NEK11: variants seen among roughly 807,000 people sequenced by gnomAD.
The protein encoded by NEK11 is serine/threonine-protein kinase Nek11.
NEK11 carries 72 observed loss-of-function variants against 80.7 expected under a neutral mutation model. The observed-to-expected ratio is 0.89, with a 90% CI of 0.74 to 1.08. The LOEUF (loss-of-function observed/expected upper bound fraction) is 1.08. Among genes scored for constraint, NEK11 ranks in the 50% least tolerant of loss-of-function variants. The pLI, the probability that NEK11 is intolerant of heterozygous loss-of-function variation, is 0.00. For missense variants in NEK11, 764 were observed against 763.6 expected (o/e 1.00, Z -0.01); for synonymous variants, 251 against 260.7 (o/e 0.96, Z 0.36).
intron 14 of NEK11, among the ~76,000 whole-genome samples, chr3:131,187,742 A>G (rs1235138952): frequency 1.3e-5 from 2 of 152,204 alleles, no homozygotes; most frequent in Non-Finnish European, 2.9e-5. Context: ...TATTAGGACC[A>G]AACACTGTGA....
chr3:131,044,905 A>T (rs1009537993), intron 3 of NEK11, among the ~76,000 whole-genome samples: 2 of 152,208 alleles, frequency 1.3e-5, no homozygotes, highest in African/African-American at 4.8e-5. Flanking sequence ...AAAAGATCAG[A>T]AATCATAACA....
intron 4 of NEK11, among the ~76,000 whole-genome samples, chr3:131,082,957 A>G (rs1228340273): frequency 6.6e-6 from 1 of 152,202 alleles, no homozygotes; most frequent in East Asian, 1.9e-4. Flanking sequence ...AGTAATCAAA[A>G]TCAGGAAATC....
chr3:131,122,628 C>T (rs1195886640), intron 5 of NEK11, among the ~76,000 whole-genome samples: 1 of 152,194 alleles, frequency 6.6e-6, no homozygotes, highest in African/African-American at 2.4e-5. Context: ...GTGATCCACC[C>T]TGAGAACCTG....
chr3:131,260,791 C>A (rs1191806230), intron 16 of NEK11, among the ~76,000 whole-genome samples: 1 of 152,012 alleles, frequency 6.6e-6, no homozygotes, highest in Non-Finnish European at 1.5e-5. Context: ...CCTAAGTATT[C>A]CTTAGGAAAT....
In NEK11 at chr3:131,155,025, CT is replaced by C; in HGVS notation, c.877-4del. ...GCCTTTAAGATATGTCAGGGTTGAT[CT>C]TTTTTTCAGAACCTAATGTGTAGAT... On this transcript the variant is annotated splice_polypyrimidine_tract_variant and intron_variant, in intron 9 of 17. Coordinates refer to ENST00000383366, the MANE Select transcript of NEK11 (RefSeq NM_024800.5). 3.9e-6 allele frequency: 6 copies of C among 1,557,260 alleles called. No individual in the cohort carries two copies. Among genetic ancestry groups the C allele is most frequent in the Non-Finnish European group, 5.3e-6 (6 of 1,128,664 alleles).
chr3:131,080,928 T>A (rs1201635176), intron 4 of NEK11, among the ~76,000 whole-genome samples: 1 of 152,066 alleles, frequency 6.6e-6, no homozygotes, highest in Non-Finnish European at 1.5e-5. Flanking sequence ...GGAAACATAG[T>A]AAGACCTCCA....
Position 131,109,792 on chromosome 3 carries a change from C to T in NEK11, c.337-11C>T, listed in dbSNP as rs370284363. ...CTGAAAAAATATGAAAGATTATGCT[C>T]TTCATTTCAGGGCCGAGATCTGGAC... On this transcript the variant is annotated splice_polypyrimidine_tract_variant and intron_variant, in intron 4 of 17. Coordinates refer to ENST00000383366, the MANE Select transcript of NEK11 (RefSeq NM_024800.5). The T allele has an allele frequency of 3.2e-6, 5 of 1,575,930 alleles. No individual in the cohort carries two copies. The highest frequency in any genetic ancestry group is 2.8e-5 in the African/African-American group (2 of 72,030).
At chr3:131,286,812 C>CA (rs969563397) in intron 17 of NEK11, among the ~76,000 whole-genome samples, 4 of 151,850 alleles carry the variant, frequency 2.6e-5, no homozygotes, top group South Asian at 2.1e-4. Context: ...AAGATATTGA[C>CA]AAAAAAAATT....
At chr3:131,345,859 T>A (rs546623489) in intron 17 of NEK11, among the ~76,000 whole-genome samples, 15 of 152,228 alleles carry the variant, frequency 9.9e-5, no homozygotes, top group Admixed American at 2.6e-4. Flanking sequence ...TAAAAGGATA[T>A]CCTGTCATTT....
At chr3:131,316,843 A>G (rs1485165130) in intron 17 of NEK11, among the ~76,000 whole-genome samples, 1 of 152,144 alleles carries the variant, frequency 6.6e-6, no homozygotes, top group Admixed American at 6.6e-5. Flanking sequence ...GCAAAAACTG[A>G]TGGTAAAGAA....
At chr3:131,131,823 A>G (rs2084537741) in intron 5 of NEK11, among the ~76,000 whole-genome samples, 1 of 151,768 alleles carries the variant, frequency 6.6e-6, no homozygotes. Context: ...CTTTTTTTCT[A>G]ATATATATAT....
intron 16 of NEK11, among the ~76,000 whole-genome samples, chr3:131,248,184 T>C (rs1394374495): frequency 1.3e-5 from 2 of 152,072 alleles, no homozygotes; most frequent in African/African-American, 4.8e-5. Context: ...TTTAGGAGAA[T>C]TGCTTTCAAC....
chr3:131,281,012 C>T (rs574261259), intron 17 of NEK11, among the ~76,000 whole-genome samples: 2 of 152,332 alleles, frequency 1.3e-5, no homozygotes, highest in East Asian at 3.9e-4. Context: ...TATTCTCTCT[C>T]ATCCTCTCGT....
chr3:131,076,585 A>G (rs539515902), intron 3 of NEK11, among the ~76,000 whole-genome samples: 1 of 152,306 alleles, frequency 6.6e-6, no homozygotes, highest in South Asian at 2.1e-4. Flanking sequence ...AAAAAACACA[A>G]AAGCAAAATC....
intron 3 of NEK11, among the ~76,000 whole-genome samples, chr3:131,046,086 G>A (rs1238524918): frequency 6.6e-6 from 1 of 152,092 alleles, no homozygotes; most frequent in African/African-American, 2.4e-5. Context: ...TTTAAGTGGA[G>A]CATTTATGTT....
chr3:131,216,399 C>T (rs1303007621), intron 14 of NEK11, among the ~76,000 whole-genome samples: 2 of 152,172 alleles, frequency 1.3e-5, no homozygotes, highest in East Asian at 1.9e-4. Flanking sequence ...TTATTGGCAG[C>T]GAGGGCCTCA....
chr3:131,097,302 A>C (rs1439460402), intron 4 of NEK11, among the ~76,000 whole-genome samples: 2 of 151,946 alleles, frequency 1.3e-5, no homozygotes, highest in African/African-American at 4.8e-5. Flanking sequence ...TCCCTGAGGA[A>C]TCACCACACT....
chr3:131,233,466 C>T (rs1353109562), intron 15 of NEK11, among the ~76,000 whole-genome samples: 1 of 152,092 alleles, frequency 6.6e-6, no homozygotes, highest in African/African-American at 2.4e-5. Context: ...ATTCTTGCAA[C>T]AACTCTGATG....
intron 3 of NEK11, among the ~76,000 whole-genome samples, chr3:131,032,371 T>G (rs764240488): frequency 5.9e-5 from 9 of 152,242 alleles, no homozygotes; most frequent in Non-Finnish European, 1.3e-4. Context: ...GTAGCCACAA[T>G]GGACTGCTAA....
Sources: allele counts gnomAD v4.1 joint callset (sites outside exome capture counted in the v4.1 genomes callset), GRCh38; gene constraint gnomAD v4.1.1; transcripts MANE v1.5; gene names NCBI Gene and HGNC (gene_info 2026-07-23, HGNC 2026-07-21).